The following IRAG1 variants were observed in gnomAD, a reference collection of about 807,000 sequenced individuals.
IRAG1 encodes IP3R-associated cGMP kinase substrate.
Under a neutral mutation model 106.2 loss-of-function variants are expected in IRAG1, and 62 were observed. That is an observed-to-expected ratio of 0.58 (90% CI 0.48 to 0.72). The LOEUF (loss-of-function observed/expected upper bound fraction) is 0.72. Ranked by LOEUF, IRAG1 falls within the 30% of genes least tolerant of loss-of-function variation. IRAG1 has a pLI of 0.00. For synonymous variants in IRAG1, 462 were observed against 443.9 expected (o/e 1.04, Z -0.51); for missense variants, 1,064 against 1,140.7 (o/e 0.93, Z 0.97).
chr11:10,648,228 G>C (rs1366556444), intron 2 of IRAG1, among the ~76,000 whole-genome samples: 1 of 152,176 alleles, frequency 6.6e-6, no homozygotes, highest in Non-Finnish European at 1.5e-5. Context: ...GCCAGGCGTG[G>C]TGGTGCAGGC....
At chr11:10,609,929 T>C in intron 10 of IRAG1, 78 bp from the exon 11 acceptor site, 1 of 1,440,804 alleles carries the variant, frequency 6.9e-7, no homozygotes, top group Non-Finnish European at 9.5e-7. Flanking sequence ...TCAGGAGCTT[T>C]GACATTTATA....
At chr11:10,629,445 G>A (rs574363171) in intron 5 of IRAG1, 93 bp downstream of exon 5, 40 of 1,394,542 alleles carry the variant, frequency 2.9e-5, no homozygotes, top group African/African-American at 1.3e-4. Flanking sequence ...CGACCTCCTC[G>A]GAGGTGAGGC....
rs1441555704 is a variant in IRAG1, at chr11:10,574,570, G to A, written c.*1762C>T. On this transcript the variant is annotated 3_prime_UTR_variant, in exon 21 of 21. Transcript: ENST00000423302. ...TTATGTTGTGTCTGGTGAGGAGTAT[G>A]GAAGGAAGGTCATCAAAGCTGGTAT... 1.3e-5 allele frequency: 2 copies of A among 152,178 alleles called. No homozygotes were observed. The highest frequency in any genetic ancestry group is 4.8e-5 in the African/African-American group (2 of 41,434). The allele number at this position is 152,178 out of a possible 1,614,324, so 9.4% of individuals were successfully genotyped here.
chr11:10,678,114 A>G (rs977021097), intron 1 of IRAG1, among the ~76,000 whole-genome samples: 2 of 152,074 alleles, frequency 1.3e-5, no homozygotes, highest in East Asian at 1.9e-4. Flanking sequence ...CCTTTTGGCT[A>G]TTGTGAATAG....
chr11:10,634,753 T>TGTG (rs368243958), intron 2 of IRAG1, among the ~76,000 whole-genome samples: 1 of 144,936 alleles, frequency 6.9e-6, no homozygotes, highest in Non-Finnish European at 1.5e-5. Context: ...AATAATATTC[T>TGTG]TGTGTGTGTG....
intron 18 of IRAG1, among the ~76,000 whole-genome samples, chr11:10,583,459 C>T (rs1045450016): frequency 2.6e-5 from 4 of 152,238 alleles, no homozygotes; most frequent in African/African-American, 4.8e-5. Flanking sequence ...GAGTTTGAAG[C>T]GTGCAGACAA....
intron 11 of IRAG1, among the ~76,000 whole-genome samples, chr11:10,607,215 T>C (rs909767405): frequency 6.6e-6 from 1 of 152,196 alleles, no homozygotes; most frequent in Admixed American, 6.5e-5. Flanking sequence ...TTATAACTCA[T>C]ACACATCTAA....
intron 1 of IRAG1, among the ~76,000 whole-genome samples, chr11:10,671,794 C>T (rs969525133): frequency 1.8e-4 from 27 of 152,158 alleles, no homozygotes; most frequent in African/African-American, 6.5e-4. Flanking sequence ...AAAACTTTTA[C>T]TCTGAGAGAT....
chr11:10,688,018 C>G (rs1490709894), intron 1 of IRAG1, among the ~76,000 whole-genome samples: 1 of 151,632 alleles, frequency 6.6e-6, no homozygotes, highest in Non-Finnish European at 1.5e-5. Flanking sequence ...GAAATGCTCA[C>G]TGGAGCATTT....
intron 13 of IRAG1, among the ~76,000 whole-genome samples, chr11:10,603,875 C>T (rs993302986): frequency 1.8e-4 from 28 of 152,300 alleles, no homozygotes; most frequent in African/African-American, 6.7e-4. Context: ...TCACCAGAAC[C>T]CGACCATGCT....
At chr11:10,627,338 A>G (rs1856321055) in intron 8 of IRAG1, among the ~76,000 whole-genome samples, 1 of 152,046 alleles carries the variant, frequency 6.6e-6, no homozygotes, top group Non-Finnish European at 1.5e-5. Flanking sequence ...AACAAAGATG[A>G]GGTTTTCCCG....
intron 10 of IRAG1, among the ~76,000 whole-genome samples, chr11:10,611,239 T>G (rs1245744360): frequency 6.6e-6 from 1 of 152,190 alleles, no homozygotes; most frequent in Non-Finnish European, 1.5e-5. Flanking sequence ...GGATATGAGA[T>G]TCAACTAGAA....
At chr11:10,627,335 A>G (rs1286951393) in intron 8 of IRAG1, among the ~76,000 whole-genome samples, 1 of 152,070 alleles carries the variant, frequency 6.6e-6, no homozygotes, top group African/African-American at 2.4e-5. Context: ...ATCAACAAAG[A>G]TGAGGTTTTC....
At chr11:10,603,337 A>G in intron 13 of IRAG1, 86 bp from the exon 14 acceptor site, 1 of 1,503,172 alleles carries the variant, frequency 6.7e-7, no homozygotes, top group Non-Finnish European at 9.0e-7. Flanking sequence ...GGCCTCAGGG[A>G]CTGGTTTGGA....
Position 10,604,654 on chromosome 11 carries a change from G to A in IRAG1, c.1603-109C>T, listed in dbSNP as rs371009434. On this transcript the variant is annotated intron_variant, in intron 12 of 20. Transcript: ENST00000423302. ...TTTTGCAACGGCCCCTGGAACAGCC[G>A]CCAAAGCACCAAAGCAGCCATGTGC... 113 of 1,314,558 alleles carry A rather than the reference G, an allele frequency of 8.6e-5. No individual in the cohort carries two copies. The Middle Eastern group carries it at 1.2e-3, about 15-fold the overall frequency. The allele number at this position is 1,314,558 out of a possible 1,614,324, so 81.4% of individuals were successfully genotyped here.
At chr11:10,591,740 C>T in intron 17 of IRAG1, 128 bp from the exon 18 acceptor site, 1 of 839,830 alleles carries the variant, frequency 1.2e-6, no homozygotes, top group Admixed American at 2.0e-5. Flanking sequence ...CCCCCACTTT[C>T]CAATCTTCAT....
chr11:10,664,274 AC>A (rs1301823047), intron 1 of IRAG1, among the ~76,000 whole-genome samples: 1 of 151,878 alleles, frequency 6.6e-6, no homozygotes, highest in Non-Finnish European at 1.5e-5. Context: ...GGGATGGAGC[AC>A]CCCAGCTCAG....
chr11:10,623,126 G>T (rs944744446), intron 10 of IRAG1, among the ~76,000 whole-genome samples: 1 of 152,186 alleles, frequency 6.6e-6, no homozygotes, highest in African/African-American at 2.4e-5. Context: ...GTTCCAACTC[G>T]TGGTGGGGCT....
intron 1 of IRAG1, among the ~76,000 whole-genome samples, chr11:10,688,094 CAA>C (rs758245572): frequency 3.7e-5 from 5 of 135,988 alleles, no homozygotes; most frequent in Non-Finnish European, 4.8e-5. Flanking sequence ...TTCCAAAGGC[CAA>C]AAAAAAAAAA....
Sources: gnomAD v4.1 joint callset for allele counts (sites outside exome capture counted in the v4.1 genomes callset) on GRCh38, gnomAD v4.1.1 for gene constraint, MANE v1.5 for transcripts, NCBI Gene and HGNC (gene_info 2026-07-23, HGNC 2026-07-21) for gene names.